The following FCMR variants were observed in gnomAD, a reference collection of about 807,000 sequenced individuals.
FCMR encodes the protein Fc mu receptor.
FCMR carries 34 observed loss-of-function variants against 41.6 expected under a neutral mutation model. That is an observed-to-expected ratio of 0.82 (90% CI 0.62 to 1.09). The LOEUF is 1.09. FCMR is among the 50% of genes least tolerant of loss of function. The pLI is 0.00. For missense variants in FCMR, 496 were observed against 512.5 expected (o/e 0.97, Z 0.31); for synonymous variants, 209 against 211.8 (o/e 0.99, Z 0.12).
intron 1 of FCMR, among the ~76,000 whole-genome samples, chr1:206,914,506 A>G (rs1679106607): frequency 6.9e-6 from 1 of 145,796 alleles, no homozygotes; most frequent in Non-Finnish European, 1.5e-5. Flanking sequence ...ATCATGACTC[A>G]CTACAGCCTC....
At chr1:206,915,501 G>C (rs994024610) in intron 1 of FCMR, among the ~76,000 whole-genome samples, 1 of 152,140 alleles carries the variant, frequency 6.6e-6, no homozygotes, top group Non-Finnish European at 1.5e-5. Context: ...AAAAGATGTG[G>C]TTCATGAATC....
At position 206,909,645 on chromosome 1, in the gene FCMR, G is replaced by A; in HGVS notation, c.985+80C>T. The A allele has an allele frequency of 2.2e-6, 3 of 1,345,280 alleles. No individual in the cohort carries two copies. Among genetic ancestry groups the A allele is most frequent in the Non-Finnish European group, 2.9e-6 (3 of 1,051,074 alleles). The allele number at this position is 1,345,280 out of a possible 1,614,324, so 83.3% of individuals were successfully genotyped here. A position where few individuals can be genotyped will look rare whatever the true frequency, so the allele number is the denominator to read the frequency against. ...CCCTGTGGGAAGCCCTGGCACCTGG[G>A]AGCGCGCCCCGCTGCGCCCGGCTTT... On this transcript the variant is annotated intron_variant, in intron 6 of 7. Transcript: ENST00000367091. This position sits in a 1 kb window ranked among gnomAD's most constrained non-coding sequence, Gnocchi z 5.0.
At chr1:206,915,684 G>A (rs1012490878) in intron 1 of FCMR, among the ~76,000 whole-genome samples, 1 of 152,100 alleles carries the variant, frequency 6.6e-6, no homozygotes, top group African/African-American at 2.4e-5. Context: ...TGTGTGTGGC[G>A]AGGTGGGGCT....
rs1678943525 is a variant in FCMR at position 206,911,677 on chromosome 1, A to G, written c.710+53T>C. 3 of 1,537,862 alleles carry G rather than the reference A, an allele frequency of 2.0e-6. No homozygotes were observed. In the East Asian group the frequency reaches 6.7e-5, roughly 35 times the overall value. Reference sequence around the variant, plus strand: ...AATAATGGACATTGCAGTGGGTTTCAGTGGATCTCTTAATTCTAGCCTAAC... The same window carrying G: ...AATAATGGACATTGCAGTGGGTTTCGGTGGATCTCTTAATTCTAGCCTAAC... On this transcript the variant is annotated intron_variant, in intron 4 of 7. Coordinates refer to ENST00000367091, the MANE Select transcript of FCMR (RefSeq NM_005449.5).
rs1383676647 is a variant in FCMR at position 206,910,292 on chromosome 1, G to A, written c.759C>T (p.His253=). ...SQSGREGQGF[H]ILIPTILGLF... ...GGCCCAGGATGGTCGGGATCAGGAT[G>A]TGAAATCCTTGGCCTTCCCTCCCAG... The change falls in exon 5 of 8, where the codon CAC becomes CAT. Residue 253 remains histidine (H), a synonymous_variant. Coordinates refer to ENST00000367091, the MANE Select transcript of FCMR (RefSeq NM_005449.5). 5 of 1,576,542 alleles carry A rather than the reference G, an allele frequency of 3.2e-6. No homozygotes were observed. The highest frequency in any genetic ancestry group is 4.3e-6 in the Non-Finnish European group (5 of 1,160,918).
Position 206,910,217 on chromosome 1 carries a change from C to G in FCMR, c.834G>C (p.Arg278Ser), listed in dbSNP as rs770843304. Residue 278 changes from arginine (R) to serine (S), a missense_variant, in exon 5 of 8, where the codon AGG (arginine) becomes AGC (serine). Arg to Ser is a moderately radical substitution (Grantham distance 110). Coordinates refer to ENST00000367091, the MANE Select transcript of FCMR (RefSeq NM_005449.5). ...LGLVVKRAVE[R>S]RKALSRRARR... is the part of the protein sequence containing the mutation. Reference sequence around the variant, plus strand: ...CGAAGCCCAGCCGCTCACCTTTCCTCCTTTCAACGGCCCTTTTCACCACCA... The same window carrying G: ...CGAAGCCCAGCCGCTCACCTTTCCTGCTTTCAACGGCCCTTTTCACCACCA... 2.5e-5 allele frequency: 40 copies of G among 1,601,868 alleles called. No homozygotes were observed. The highest frequency in any genetic ancestry group is 3.3e-5 in the Non-Finnish European group (39 of 1,175,290).
chr1:206,907,905 G>A, intron 7 of FCMR: 1 of 1,266,410 alleles, frequency 7.9e-7, no homozygotes, highest in Non-Finnish European at 1.2e-6. Context: ...AGTGAGGCCA[G>A]GCCGCCCTGG....
At chr1:206,922,073 C>A (rs757305974), upstream of FCMR, 13 of 594,122 alleles carry the variant, frequency 2.2e-5, no homozygotes, top group Non-Finnish European at 3.9e-5. Flanking sequence ...AAGTCAGGAG[C>A]TGAGAAAACA....
intron 7 of FCMR, chr1:206,907,768 C>G (rs1416955230): frequency 1.4e-5 from 17 of 1,235,560 alleles, no homozygotes; most frequent in Non-Finnish European, 2.0e-5. Context: ...TCTACAGAAA[C>G]AAGTTGAAGT....
Position 206,908,125 on chromosome 1 carries a change from A to T in FCMR, c.1044+1337T>A, listed in dbSNP as rs1678761076. 3.3e-5 allele frequency: 42 copies of T among 1,271,428 alleles called. 1 individual carries two copies. Among genetic ancestry groups the T allele is most frequent in the South Asian group, 2.8e-4 (23 of 81,644 alleles). The allele number at this position is 1,271,428 out of a possible 1,614,324, so 78.8% of individuals were successfully genotyped here. On this transcript the variant is annotated intron_variant, in intron 7 of 7. Coordinates refer to ENST00000367091, the MANE Select transcript of FCMR (RefSeq NM_005449.5). ...GGAGAAGGCCAAGTTCCACTACAGG[A>T]AGAAGAAACAGCTCATGAGGCTACG... is the stretch of plus-strand genomic sequence containing the variant.
chr1:206,905,122 G>A lies in FCMR; in HGVS notation c.1070C>T (p.Ala357Val), dbSNP rs41304091. The A allele has an allele frequency of 0.011, 17,374 of 1,614,120 alleles. 135 individuals are homozygous for A. The highest frequency in any genetic ancestry group is 0.014 in the Non-Finnish European group (16,167 of 1,179,978). ...LQVSESPWLH[A>V]PSLKTSCEYV... ...TTCACAGCTGGTCTTCAGAGATGGG[G>A]CATGGAGCCAGGGAGATTCAGACAC... Residue 357 changes from alanine (A) to valine (V), a missense_variant, in exon 8 of 8, where the codon GCC (alanine) becomes GTC (valine). Physicochemically the swap from Ala to Val is moderately conservative, Grantham distance 64. Coordinates refer to ENST00000367091, the MANE Select transcript of FCMR (RefSeq NM_005449.5).
intron 1 of FCMR, among the ~76,000 whole-genome samples, chr1:206,916,698 C>T (rs1226867752): frequency 6.6e-6 from 1 of 152,198 alleles, no homozygotes; most frequent in Non-Finnish European, 1.5e-5. Context: ...CTTAGTAAAG[C>T]AGATTTTGAA....
Position 206,913,799 on chromosome 1 carries a change from G to C in FCMR, c.333C>G (p.Asp111Glu), listed in dbSNP as rs754128185. The change falls in exon 2 of 8, where the codon GAC becomes GAG. Residue 111 changes from aspartate to glutamate, a missense_variant. Physicochemically the swap from Asp to Glu is conservative, Grantham distance 45 (BLOSUM62 2). Transcript: ENST00000367091. ...VYACGAGMNT[D>E]RGKTQKVTLN... ...GGGTGACTTTCTGGGTCTTTCCCCG[G>C]TCTGTGTTCATGCCCGCTCCGCAGG... The C allele has an allele frequency of 6.2e-7, 1 of 1,614,186 alleles. No homozygotes were observed. Among genetic ancestry groups the C allele is most frequent in the Non-Finnish European group, 8.5e-7 (1 of 1,180,026 alleles).
intron 1 of FCMR, 94 bp downstream of exon 1, chr1:206,921,724 G>A: frequency 8.1e-7 from 1 of 1,233,380 alleles, no homozygotes; most frequent in Non-Finnish European, 1.2e-6. Flanking sequence ...AATCCATCCA[G>A]AAACATCAGA....
intron 3 of FCMR, among the ~76,000 whole-genome samples, chr1:206,912,352 A>G (rs1422040720): frequency 6.6e-6 from 1 of 152,218 alleles, no homozygotes; most frequent in African/African-American, 2.4e-5. Context: ...CTTGGCTCTC[A>G]GCAGGGTTAC....
Position 206,909,664 on chromosome 1 carries a change from C to T in FCMR, c.985+61G>A. 7.4e-7 allele frequency: 1 copy of T among 1,355,994 alleles called. No individual in the cohort carries two copies. The highest frequency in any genetic ancestry group is 9.4e-7 in the Non-Finnish European group (1 of 1,060,526). The allele number at this position is 1,355,994 out of a possible 1,614,324, so 84.0% of individuals were successfully genotyped here. A position where few individuals can be genotyped will look rare whatever the true frequency, so the allele number is the denominator to read the frequency against. The stretch of plus-strand genomic sequence containing the variant: ...ACCTGGGAGCGCGCCCCGCTGCGCC[C>T]GGCTTTCCCGGAGCCAGCGCACTCT... On this transcript the variant is annotated intron_variant, in intron 6 of 7. Coordinates refer to ENST00000367091, the MANE Select transcript of FCMR (RefSeq NM_005449.5). This position sits in a 1 kb window ranked among gnomAD's most constrained non-coding sequence, Gnocchi z 5.0.
chr1:206,905,400 G>A (rs1678591442), intron 7 of FCMR, among the ~76,000 whole-genome samples: 2 of 152,262 alleles, frequency 1.3e-5, no homozygotes, highest in South Asian at 4.2e-4. Context: ...AAATCATGTG[G>A]CTAAGCATGG....
At chr1:206,907,103 T>TGGGGGGGGGGGGG (rs75679471) in intron 7 of FCMR, among the ~76,000 whole-genome samples, 4 of 43,356 alleles carry the variant, frequency 9.2e-5, no homozygotes, top group South Asian at 1.3e-3. Flanking sequence ...GGTGGGGGGG[T>TGGGGGGGGGGGGG]GGGGGGGGGG....
intron 4 of FCMR, 124 bp from the exon 5 acceptor site, chr1:206,910,464 A>T: frequency 1.5e-6 from 1 of 675,130 alleles, no homozygotes; most frequent in South Asian, 3.3e-5. Flanking sequence ...TGTTAACAGA[A>T]TTCACTCCAC....
Sources: allele counts gnomAD v4.1 joint callset (sites outside exome capture counted in the v4.1 genomes callset), GRCh38; gene constraint gnomAD v4.1.1; non-coding constraint Gnocchi (gnomAD v3.1); transcripts MANE v1.5; gene names NCBI Gene and HGNC (gene_info 2026-07-23, HGNC 2026-07-21).